NPAS3: variants seen among roughly 807,000 people sequenced by gnomAD.
The protein encoded by NPAS3 is neuronal PAS domain-containing protein 3.
NPAS3 carries 14 observed loss-of-function variants against 73.1 expected under a neutral mutation model. That is an observed-to-expected ratio of 0.19 (90% CI 0.13 to 0.30). The LOEUF (loss-of-function observed/expected upper bound fraction) is 0.30. NPAS3 is among the 10% of genes least tolerant of loss of function. The probability of loss-of-function intolerance (pLI) is 1.00; values close to 1 mark genes in which losing one functional copy is unlikely to be tolerated. For synonymous variants in NPAS3, 620 were observed against 541.5 expected (o/e 1.14, Z -2.01); for missense variants, 1,096 against 1,250.0 (o/e 0.88, Z 1.86).
intron 1 of NPAS3, among the ~76,000 whole-genome samples, chr14:32,969,097 A>T (rs1229856404): frequency 6.6e-6 from 1 of 152,154 alleles, no homozygotes; most frequent in African/African-American, 2.4e-5. Flanking sequence ...ATGGCTCAAC[A>T]CATGTGGTTG....
intron 6 of NPAS3, among the ~76,000 whole-genome samples, chr14:33,688,909 G>T (rs2060160813): frequency 6.6e-6 from 1 of 152,160 alleles, no homozygotes; most frequent in Non-Finnish European, 1.5e-5. Context: ...CAGTTACTAG[G>T]TTGTTCTATC....
intron 1 of NPAS3, among the ~76,000 whole-genome samples, chr14:32,973,011 C>T (rs1440441509): frequency 1.3e-5 from 2 of 152,198 alleles, no homozygotes; most frequent in Non-Finnish European, 2.9e-5. Context: ...AGTTTGGTCA[C>T]ATTGCCTTCT....
In NPAS3 at chr14:33,651,354, G is replaced by C. The variant is rs540792498; in HGVS notation, c.559-24857G>C. Among the ~76,000 whole-genome samples the C allele has an allele frequency of 5.3e-5, 8 of 152,250 alleles. No homozygotes were observed. The South Asian group carries it at 1.7e-3, about 32-fold the overall frequency. On this transcript the variant is annotated intron_variant, in intron 5 of 11. Transcript: ENST00000356141. ...ATAGGACATCACTGTTCATAGGCTAGGTGGGTAATAAGTACTTACTGAGTT... is the reference window on the plus strand; with the variant it reads ...ATAGGACATCACTGTTCATAGGCTACGTGGGTAATAAGTACTTACTGAGTT...
chr14:33,179,991 T>C (rs2045732977), intron 2 of NPAS3, among the ~76,000 whole-genome samples: 1 of 152,206 alleles, frequency 6.6e-6, no homozygotes, highest in Non-Finnish European at 1.5e-5. Flanking sequence ...AACAAATAAT[T>C]GCACATGAAT....
intron 5 of NPAS3, among the ~76,000 whole-genome samples, chr14:33,597,751 T>C (rs1295948574): frequency 2.0e-5 from 3 of 152,232 alleles, no homozygotes; most frequent in South Asian, 2.1e-4. Context: ...CCTGTCCACC[T>C]AGAGGTGATC....
At chr14:33,721,042 C>T (rs2061093861) in intron 6 of NPAS3, among the ~76,000 whole-genome samples, 1 of 152,134 alleles carries the variant, frequency 6.6e-6, no homozygotes, top group African/African-American at 2.4e-5. Flanking sequence ...AAATAATTGT[C>T]AAAATAGCAG....
chr14:33,239,423 C>T (rs117995229), intron 3 of NPAS3, among the ~76,000 whole-genome samples: 128 of 151,942 alleles, frequency 8.4e-4, no homozygotes, highest in African/African-American at 2.8e-3. Context: ...TAGTAGAAGA[C>T]AGATAACAAA....
At chr14:33,509,560 G>A (rs1462437267) in intron 4 of NPAS3, among the ~76,000 whole-genome samples, 1 of 151,930 alleles carries the variant, frequency 6.6e-6, no homozygotes, top group Non-Finnish European at 1.5e-5. Context: ...TGGATTTTCT[G>A]ACCTAGAGAT....
intron 2 of NPAS3, among the ~76,000 whole-genome samples, chr14:33,192,293 CT>C (rs1266115752): frequency 6.6e-6 from 1 of 152,214 alleles, no homozygotes. Context: ...TCAATTACAT[CT>C]TTTTTTCTTT....
chr14:32,971,434 G>C (rs1278764101), intron 1 of NPAS3, among the ~76,000 whole-genome samples: 1 of 152,100 alleles, frequency 6.6e-6, no homozygotes. Context: ...CTAAAATAAA[G>C]ATAGTTTTTA....
chr14:33,786,923 A>C (rs78499552), intron 9 of NPAS3, among the ~76,000 whole-genome samples: 2,117 of 150,762 alleles, frequency 0.014, 38 homozygotes, highest in African/African-American at 0.049. Flanking sequence ...AGTGACTAGC[A>C]CAGAGTAGGC....
intron 4 of NPAS3, among the ~76,000 whole-genome samples, chr14:33,405,349 A>C (rs763673846): frequency 2.6e-5 from 4 of 152,132 alleles, no homozygotes; most frequent in Non-Finnish European, 5.9e-5. Context: ...CAAAGCAGTG[A>C]TGCAATTTAT....
At chr14:33,594,533 C>G (rs2057174183) in intron 5 of NPAS3, among the ~76,000 whole-genome samples, 1 of 152,172 alleles carries the variant, frequency 6.6e-6, no homozygotes, top group African/African-American at 2.4e-5. Context: ...TCTGCGTCTC[C>G]CTTCCAGTCC....
At chr14:33,020,392 A>T (rs2039549932) in intron 1 of NPAS3, among the ~76,000 whole-genome samples, 2 of 152,256 alleles carry the variant, frequency 1.3e-5, no homozygotes, top group African/African-American at 4.8e-5. Flanking sequence ...CTTTAGCCCC[A>T]GTTTACTCAT....
chr14:33,680,576 A>G (rs905176280), intron 6 of NPAS3: 2 of 702,322 alleles, frequency 2.8e-6, no homozygotes, highest in Non-Finnish European at 5.2e-6. Flanking sequence ...ATGTTTCTCT[A>G]AGATAAAATT....
chr14:33,516,021 C>T (rs1336795162), intron 4 of NPAS3, among the ~76,000 whole-genome samples: 1 of 151,994 alleles, frequency 6.6e-6, no homozygotes, highest in African/African-American at 2.4e-5. Context: ...AGAACACGTC[C>T]GCACACATGC....
At chr14:33,801,130 C>G (rs373247030), downstream of NPAS3, 5 of 1,556,168 alleles carry the variant, frequency 3.2e-6, no homozygotes, top group Non-Finnish European at 4.3e-6. Flanking sequence ...GTCCTGGGCC[C>G]GGCCAGGCCC....
Position 33,797,445 on chromosome 14 carries a change from T to TC in NPAS3, c.1302-9dup. On this transcript the variant is annotated splice_polypyrimidine_tract_variant and intron_variant, in intron 10 of 11. Transcript: ENST00000356141. ...GGTGTCTGCACTCCTGACCAGTGCCTCCCTTCCACAGCAATCCTGAGTACA... is the reference window on the plus strand; with the variant it reads ...GGTGTCTGCACTCCTGACCAGTGCCTCCCCTTCCACAGCAATCCTGAGTACA... 6.2e-7 allele frequency: 1 copy of TC among 1,613,822 alleles called. No homozygotes were observed. The highest frequency in any genetic ancestry group is 8.5e-7 in the Non-Finnish European group (1 of 1,179,856).
intron 1 of NPAS3, among the ~76,000 whole-genome samples, chr14:32,941,178 A>G (rs1326157805): frequency 6.8e-6 from 1 of 146,950 alleles, no homozygotes; most frequent in African/African-American, 2.5e-5. Flanking sequence ...TGAGGTTTAT[A>G]ATTGGTTTTC....
Sources: allele counts gnomAD v4.1 joint callset (sites outside exome capture counted in the v4.1 genomes callset), GRCh38; gene constraint gnomAD v4.1.1; transcripts MANE v1.5; gene names NCBI Gene and HGNC (gene_info 2026-07-23, HGNC 2026-07-21).